Variants in PRDM11 observed in about 807,000 individuals in gnomAD.
PRDM11 encodes PR/SET domain 11.
PRDM11 carries 20 observed loss-of-function variants against 97.8 expected under a neutral mutation model. The observed-to-expected ratio is 0.20, with a 90% CI of 0.14 to 0.30. The LOEUF is 0.30. PRDM11 is among the 10% of genes least tolerant of loss of function. The pLI is 1.00. For missense variants in PRDM11, 1,139 were observed against 1,555.2 expected (o/e 0.73, Z 4.50); for synonymous variants, 599 against 637.7 (o/e 0.94, Z 0.91).
upstream of PRDM11, among the ~76,000 whole-genome samples, chr11:45,144,708 T>C (rs988621171): frequency 6.6e-6 from 1 of 152,240 alleles, no homozygotes; most frequent in African/African-American, 2.4e-5. Flanking sequence ...TTCTGCTCTT[T>C]GCCTTCCTGG....
chr11:45,159,771 A>G (rs570791305), intron 1 of PRDM11, among the ~76,000 whole-genome samples: 1 of 152,172 alleles, frequency 6.6e-6, no homozygotes, highest in South Asian at 2.1e-4. Context: ...GTGAGCATTT[A>G]TAACTGCTTT....
At chr11:45,145,054 A>T (rs1851477068), upstream of PRDM11, among the ~76,000 whole-genome samples, 2 of 151,982 alleles carry the variant, frequency 1.3e-5, no homozygotes, top group Admixed American at 6.6e-5. Flanking sequence ...GGAAACTTAC[A>T]GTTGCATTGA....
At chr11:45,222,895 C>G (rs180762546) in intron 6 of PRDM11, among the ~76,000 whole-genome samples, 14 of 152,314 alleles carry the variant, frequency 9.2e-5, no homozygotes, top group Non-Finnish European at 1.8e-4. Flanking sequence ...TTTGAGATTT[C>G]TGAGTTCCAT....
rs553877303 is a variant in PRDM11, at chr11:45,221,027, A to G, written c.742+1270A>G. Reference sequence around the variant, plus strand: ...ATATCGTGTTCCTGACCAACTTACTAATTGGAAATAAATCTTCACTTGGAA... The same window carrying G: ...ATATCGTGTTCCTGACCAACTTACTGATTGGAAATAAATCTTCACTTGGAA... On this transcript the variant is annotated intron_variant, in intron 6 of 7. Transcript: ENST00000683152. Among the ~76,000 whole-genome samples, 598 of 152,270 alleles carry G rather than the reference A, an allele frequency of 3.9e-3. 2 individuals carry two copies. The highest frequency in any genetic ancestry group is 0.015 in the South Asian group (73 of 4,812).
chr11:45,105,755 G>GGGCA (rs1852050658), intron 1 of PRDM11, among the ~76,000 whole-genome samples: 2 of 152,208 alleles, frequency 1.3e-5, no homozygotes, highest in Admixed American at 1.3e-4. Context: ...CTCTCCCTGG[G>GGGCA]GGCAGCCTCT....
At chr11:45,127,401 G>A (rs1472646786) in intron 1 of PRDM11, among the ~76,000 whole-genome samples, 1 of 152,342 alleles carries the variant, frequency 6.6e-6, no homozygotes, top group East Asian at 1.9e-4. Context: ...CTTTGGAGGA[G>A]GAGAGGCGCT....
At chr11:45,200,791 G>A (rs1178871565) in intron 4 of PRDM11, among the ~76,000 whole-genome samples, 3 of 152,206 alleles carry the variant, frequency 2.0e-5, no homozygotes, top group Non-Finnish European at 4.4e-5. Context: ...TGAGTTGCAT[G>A]TTTTCTCTTT....
chr11:45,224,984 G>T, intron 7 of PRDM11, 141 bp downstream of exon 7: 1 of 1,515,220 alleles, frequency 6.6e-7, no homozygotes. Context: ...TCCGTGGGTG[G>T]GAGCCCAGGT....
chr11:45,189,910 A>AGACAGG (rs1350054953), intron 4 of PRDM11, among the ~76,000 whole-genome samples: 1 of 152,042 alleles, frequency 6.6e-6, no homozygotes, highest in Non-Finnish European at 1.5e-5. Context: ...GGGGCGTTTG[A>AGACAGG]GACAGGGTAG....
intron 6 of PRDM11, among the ~76,000 whole-genome samples, chr11:45,221,618 T>C (rs548180351): frequency 6.6e-6 from 1 of 152,220 alleles, no homozygotes; most frequent in East Asian, 1.9e-4. Context: ...AGGGGATTGC[T>C]CAGAGAAGGG....
chr11:45,140,055 C>T (rs1274763600), intron 1 of PRDM11, among the ~76,000 whole-genome samples: 1 of 152,182 alleles, frequency 6.6e-6, no homozygotes, highest in Admixed American at 6.5e-5. Context: ...TTTTCATCTT[C>T]TACACATGCT....
At chr11:45,135,238 C>A (rs1245458068) in intron 1 of PRDM11, among the ~76,000 whole-genome samples, 1 of 152,084 alleles carries the variant, frequency 6.6e-6, no homozygotes, top group Non-Finnish European at 1.5e-5. Context: ...CAGGAGAAAA[C>A]CTGCCTTAGC....
At position 45,100,620 on chromosome 11, in the gene PRDM11, C is replaced by A. The variant is rs151074735; in HGVS notation, c.96+4719C>A. 4.3e-3 allele frequency among the ~76,000 whole-genome samples: 648 copies of A among 152,296 alleles called. 9 individuals carry two copies. The highest frequency in any genetic ancestry group is 0.015 in the African/African-American group (620 of 41,554). Reference sequence around the variant, plus strand: ...AGCAGCAGCCCTCTCCTCCATAGGTCCGTGGTATGTTGACATCAGAGAGGT... The same window carrying A: ...AGCAGCAGCCCTCTCCTCCATAGGTACGTGGTATGTTGACATCAGAGAGGT... On this transcript the variant is annotated intron_variant, in intron 1 of 6. Transcript: ENST00000530656.
intron 1 of PRDM11, among the ~76,000 whole-genome samples, chr11:45,101,573 G>GAATAAGAAT (rs1851981190): frequency 1.1e-5 from 1 of 95,204 alleles, no homozygotes; most frequent in Non-Finnish European, 2.6e-5. Context: ...AAAAAAAGAA[G>GAATAAGAAT]AAGAAGAAGA....
intron 4 of PRDM11, among the ~76,000 whole-genome samples, chr11:45,195,029 G>C (rs1853068040): frequency 6.6e-6 from 1 of 151,938 alleles, no homozygotes; most frequent in South Asian, 2.1e-4. Flanking sequence ...CCAGGCCTCA[G>C]ATGTGAATAT....
At position 45,227,481 on chromosome 11, in the gene PRDM11, T is replaced by C; in HGVS notation, c.2856T>C (p.Ala952=). Residue 952 remains alanine (A), a synonymous_variant, in exon 8 of 8, where the codon GCT becomes GCC. Transcript: ENST00000683152. This position sits in a 1 kb window ranked among gnomAD's most constrained non-coding sequence, Gnocchi z 8.0. ...TCGCCATGAAGAACCTCAGGGTGGC[T>C]GAAGCCAAGTTCCAGTCCATCAGGG... is the stretch of plus-strand genomic sequence containing the variant. The part of the protein sequence containing the change: ...NGIAMKNLRV[A]EAKFQSIREK... 1 of 1,533,790 alleles carries C rather than the reference T, an allele frequency of 6.5e-7. No individual in the cohort carries two copies.
chr11:45,142,670 T>C (rs1851430339), upstream of PRDM11, among the ~76,000 whole-genome samples: 1 of 152,230 alleles, frequency 6.6e-6, no homozygotes. Context: ...GATGATGATC[T>C]GACCCAAGGC....
chr11:45,109,411 CTA>C (rs562454608), intron 1 of PRDM11, among the ~76,000 whole-genome samples: 36 of 152,340 alleles, frequency 2.4e-4, no homozygotes, highest in African/African-American at 8.7e-4. Context: ...TGTCGCAGGG[CTA>C]TGTGACCAGA....
Position 45,224,251 on chromosome 11 carries a change from G to T in PRDM11, c.777G>T (p.Gln259His). ...GGTTGCAGAGGGAGAAGTCTGAGCAGGTTCTGGATAACCCAGAAGACCTGA... is the reference window on the plus strand; with the variant it reads ...GGTTGCAGAGGGAGAAGTCTGAGCATGTTCTGGATAACCCAGAAGACCTGA... ...EKRLQREKSE[Q>H]VLDNPEDLRG... Residue 259 changes from glutamine to histidine, a missense_variant, in exon 7 of 8, where the codon CAG becomes CAT. Transcript: ENST00000683152. The T allele has an allele frequency of 6.2e-7, 1 of 1,609,026 alleles. No individual in the cohort carries two copies.
Sources: gnomAD v4.1 joint callset for allele counts (sites outside exome capture counted in the v4.1 genomes callset) on GRCh38, gnomAD v4.1.1 for gene constraint, Gnocchi (gnomAD v3.1) non-coding constraint, MANE v1.5 for transcripts, NCBI Gene and HGNC (gene_info 2026-07-23, HGNC 2026-07-21) for gene names.